Variants in FASTKD1 observed in about 807,000 individuals in gnomAD.
The protein encoded by FASTKD1 is FAST kinase domains 1, also known as FAST kinase domain-containing protein 1, mitochondrial.
A neutral mutation model predicts 90.9 loss-of-function variants in FASTKD1; 94 were observed. The ratio of observed to expected loss-of-function variants is 1.03; its 90% CI spans 0.88 to 1.23. The LOEUF is 1.23. Ranked by LOEUF, FASTKD1 falls within the 50% of genes most tolerant of loss-of-function variation. The probability of loss-of-function intolerance (pLI) is 0.00; values close to 1 mark genes in which losing one functional copy is unlikely to be tolerated. For missense variants in FASTKD1, 945 were observed against 993.5 expected (o/e 0.95, Z 0.66); for synonymous variants, 319 against 345.8 (o/e 0.92, Z 0.86).
chr2:169,539,237 A>AAT (rs1684861497), intron 10 of FASTKD1, among the ~76,000 whole-genome samples: 2 of 151,766 alleles, frequency 1.3e-5, no homozygotes, highest in Non-Finnish European at 2.9e-5. Flanking sequence ...GAGCCACTGC[A>AAT]CTCCAGCCTG....
intron 9 of FASTKD1, among the ~76,000 whole-genome samples, chr2:169,541,405 A>G (rs1684949723): frequency 6.6e-6 from 1 of 152,176 alleles, no homozygotes; most frequent in South Asian, 2.1e-4. Flanking sequence ...CAACCAGGAG[A>G]ATACAGTCTA....
intron 7 of FASTKD1, among the ~76,000 whole-genome samples, chr2:169,548,005 AAAAC>A (rs1218566879): frequency 5.3e-5 from 8 of 150,358 alleles, no homozygotes; most frequent in Non-Finnish European, 8.9e-5. Flanking sequence ...CAAAAAAAAA[AAAAC>A]AAAACAAAAA....
chr2:169,551,544 C>T (rs1185233731), intron 7 of FASTKD1, among the ~76,000 whole-genome samples: 2 of 152,064 alleles, frequency 1.3e-5, no homozygotes, highest in African/African-American at 4.8e-5. Flanking sequence ...TGCCTGTAAC[C>T]CCAGCACTTC....
intron 3 of FASTKD1, among the ~76,000 whole-genome samples, chr2:169,564,567 G>T (rs889775221): frequency 3.3e-5 from 5 of 152,054 alleles, no homozygotes; most frequent in Non-Finnish European, 7.4e-5. Context: ...TATCCTTTGA[G>T]TTACAAACAA....
At chr2:169,554,996 T>A in intron 7 of FASTKD1, 128 bp downstream of exon 7, 2 of 834,992 alleles carry the variant, frequency 2.4e-6, no homozygotes, top group South Asian at 1.9e-5. Flanking sequence ...GATAGTGTCT[T>A]AACATTTTTA....
chr2:169,566,618 A>G (rs986286040), intron 3 of FASTKD1, among the ~76,000 whole-genome samples: 1 of 152,108 alleles, frequency 6.6e-6, no homozygotes, highest in South Asian at 2.1e-4. Context: ...AGGCTGAGAT[A>G]GGACGATGGC....
chr2:169,534,497 T>C (rs569756059), intron 12 of FASTKD1, among the ~76,000 whole-genome samples: 2 of 146,706 alleles, frequency 1.4e-5, no homozygotes, highest in African/African-American at 5.0e-5. Flanking sequence ...AGTCTCACTG[T>C]CGCTCAGGTT....
chr2:169,572,271 AAG>A, intron 1 of FASTKD1, 100 bp from the exon 2 acceptor site: 1 of 311,528 alleles, frequency 3.2e-6, no homozygotes, highest in Admixed American at 4.8e-5. Flanking sequence ...GCATTAACTA[AAG>A]ACTTTTTCTT....
chr2:169,537,154 C>A, intron 12 of FASTKD1, 73 bp downstream of exon 12: 6 of 908,662 alleles, frequency 6.6e-6, no homozygotes, highest in East Asian at 2.6e-5. Context: ...TAAAAAATTC[C>A]AACTGATAAG....
At position 169,561,844 on chromosome 2, in the gene FASTKD1, T is replaced by TTTATTAATTTATTGTAAAATAA. The variant is rs1559156774; in HGVS notation, c.573-1081_573-1060dup. 4.9e-5 allele frequency among the ~76,000 whole-genome samples: 7 copies of TTTATTAATTTATTGTAAAATAA among 143,684 alleles called. No individual in the cohort carries two copies. The East Asian group carries it at 1.5e-3, about 30-fold the overall frequency. 94.3% of individuals were successfully genotyped at this position (143,684 alleles called of 152,430 possible). A position where few individuals can be genotyped will look rare whatever the true frequency, so the allele number is the denominator to read the frequency against. ...TTATTTATTAATTTATTGTAAATTA[T>TTTATTAATTTATTGTAAAATAA]TTATTAATTTATTGTAAAATAATTA... On this transcript the variant is annotated intron_variant, in intron 4 of 14. Coordinates refer to ENST00000453153, the MANE Select transcript of FASTKD1 (RefSeq NM_024622.6).
intron 2 of FASTKD1, among the ~76,000 whole-genome samples, chr2:169,569,830 G>A (rs1404089289): frequency 6.6e-6 from 1 of 152,076 alleles, no homozygotes; most frequent in Non-Finnish European, 1.5e-5. Flanking sequence ...CAGCCTCGGT[G>A]ACAGAGTGAG....
intron 7 of FASTKD1, among the ~76,000 whole-genome samples, chr2:169,552,380 C>T (rs1173575226): frequency 6.6e-6 from 1 of 152,128 alleles, no homozygotes; most frequent in Non-Finnish European, 1.5e-5. Flanking sequence ...TAGAAGTATT[C>T]ATCAGTACTG....
At chr2:169,537,374 T>A in intron 11 of FASTKD1, 34 bp from the exon 12 acceptor site, 3 of 1,319,178 alleles carry the variant, frequency 2.3e-6, no homozygotes, top group Non-Finnish European at 3.2e-6. Context: ...GTCTACTTAA[T>A]CTTTTTTTTC....
chr2:169,557,861 G>C (rs74987431), intron 5 of FASTKD1, among the ~76,000 whole-genome samples: 7,015 of 152,260 alleles, frequency 0.046, 211 homozygotes, highest in Middle Eastern at 0.082. Context: ...CATGATACGT[G>C]TATTTTTTAG....
Position 169,562,083 on chromosome 2 carries a change from A to G in FASTKD1, c.572+1142T>C, listed in dbSNP as rs1299399421. Among the ~76,000 whole-genome samples the G allele has an allele frequency of 1.7e-3, 211 of 125,400 alleles. 14 individuals carry two copies. Among genetic ancestry groups the G allele is most frequent in the Non-Finnish European group, 2.3e-3 (136 of 58,018 alleles). 82.3% of individuals were successfully genotyped at this position (125,400 alleles called of 152,430 possible). ...TTAATTTATTGTAAAATAATTATTT[A>G]TTAATTTATTGTAAAATAATTATTT... On this transcript the variant is annotated intron_variant, in intron 4 of 14. Transcript: ENST00000453153.
intron 9 of FASTKD1, among the ~76,000 whole-genome samples, chr2:169,544,451 G>A (rs1172176703): frequency 6.6e-6 from 1 of 151,966 alleles, no homozygotes; most frequent in Non-Finnish European, 1.5e-5. Flanking sequence ...CATGCTTATA[G>A]TCCAAGCTAC....
intron 7 of FASTKD1, among the ~76,000 whole-genome samples, chr2:169,547,424 G>A (rs116717927): frequency 6.6e-6 from 1 of 152,188 alleles, no homozygotes; most frequent in Non-Finnish European, 1.5e-5. Flanking sequence ...TCAGAAAGGT[G>A]GAGGGAGATT....
intron 12 of FASTKD1, among the ~76,000 whole-genome samples, chr2:169,533,058 A>G (rs927559964): frequency 6.6e-6 from 1 of 152,150 alleles, no homozygotes; most frequent in African/African-American, 2.4e-5. Context: ...CCATAATTCT[A>G]CTACCTTCAA....
In FASTKD1 at chr2:169,569,144, A is replaced by C. The variant is rs769006206; in HGVS notation, c.446+40T>G. The C allele has an allele frequency of 5.8e-6, 9 of 1,548,700 alleles. No homozygotes were observed. In the South Asian group the frequency reaches 9.0e-5, roughly 15 times the overall value. On this transcript the variant is annotated intron_variant, in intron 3 of 14. Transcript: ENST00000453153. Reference sequence around the variant, plus strand: ...AGATTTCACTCTGTTAACCCTGAAAAGAATAACCCTGATCTTCAAGATGAA... The same window carrying C: ...AGATTTCACTCTGTTAACCCTGAAACGAATAACCCTGATCTTCAAGATGAA...
Sources: gnomAD v4.1 joint callset for allele counts (sites outside exome capture counted in the v4.1 genomes callset) on GRCh38, gnomAD v4.1.1 for gene constraint, MANE v1.5 for transcripts, NCBI Gene and HGNC (gene_info 2026-07-23, HGNC 2026-07-21) for gene names.